Variants in HDAC9 observed in about 807,000 individuals in gnomAD.
HDAC9 encodes the protein MEF-2 interacting transcription repressor (MITR) protein.
Under a neutral mutation model 139.4 loss-of-function variants are expected in HDAC9, and 41 were observed. The observed-to-expected ratio is 0.29, with a 90% CI of 0.23 to 0.38. HDAC9 has a LOEUF of 0.38. Ranked by LOEUF, HDAC9 falls within the 10% of genes least tolerant of loss-of-function variation. The probability of loss-of-function intolerance (pLI) is 1.00; values close to 1 mark genes in which losing one functional copy is unlikely to be tolerated. For synonymous variants in HDAC9, 517 were observed against 476.2 expected (o/e 1.09, Z -1.12); for missense variants, 1,147 against 1,297.0 (o/e 0.88, Z 1.78).
intron 1 of HDAC9, among the ~76,000 whole-genome samples, chr7:18,145,177 T>C (rs1786216039): frequency 6.6e-6 from 1 of 152,238 alleles, no homozygotes; most frequent in Non-Finnish European, 1.5e-5. Context: ...ATGGACTATA[T>C]GTCATATGTC....
chr7:18,864,423 A>G (rs1208343879), intron 21 of HDAC9, among the ~76,000 whole-genome samples: 1 of 152,018 alleles, frequency 6.6e-6, no homozygotes, highest in Non-Finnish European at 1.5e-5. Context: ...GTTATGTAGG[A>G]TGATGAAGTT....
At chr7:18,932,664 G>T (rs1296202999) in intron 22 of HDAC9, among the ~76,000 whole-genome samples, 3 of 151,996 alleles carry the variant, frequency 2.0e-5, no homozygotes, top group African/African-American at 7.3e-5. Context: ...CACTTTGGAA[G>T]AGAATAAATA....
At chr7:18,668,288 T>C in intron 12 of HDAC9, 1 of 959,466 alleles carries the variant, frequency 1.0e-6, no homozygotes, top group Non-Finnish European at 1.2e-6. Flanking sequence ...CCAACATATT[T>C]TGGTTAGTAT....
intron 1 of HDAC9, among the ~76,000 whole-genome samples, chr7:18,485,482 A>C (rs1795908085): frequency 6.6e-6 from 1 of 150,432 alleles, no homozygotes; most frequent in Non-Finnish European, 1.5e-5. Flanking sequence ...TTTCTTTAAG[A>C]AACAAAGCAG....
At chr7:18,519,066 A>G (rs1364445890) in intron 2 of HDAC9, among the ~76,000 whole-genome samples, 1 of 152,210 alleles carries the variant, frequency 6.6e-6, no homozygotes, top group Non-Finnish European at 1.5e-5. Flanking sequence ...CTATGTATAG[A>G]ATTAACCTAA....
intron 1 of HDAC9, among the ~76,000 whole-genome samples, chr7:18,459,280 G>A (rs569552280): frequency 1.3e-5 from 2 of 152,202 alleles, no homozygotes; most frequent in East Asian, 3.9e-4. Context: ...CCAGACTGAG[G>A]TTAAAATGCT....
chr7:18,112,220 A>G (rs903434073), intron 1 of HDAC9, among the ~76,000 whole-genome samples: 42 of 151,870 alleles, frequency 2.8e-4, no homozygotes, highest in Non-Finnish European at 1.6e-4. Flanking sequence ...ATGTTTATTG[A>G]CTCTTGTTGG....
rs996872276 is a variant in HDAC9 at position 18,934,646 on chromosome 7, A to AT, written c.2804-1156dup. 5.3e-5 allele frequency among the ~76,000 whole-genome samples: 8 copies of AT among 152,052 alleles called. No homozygotes were observed. In the East Asian group the frequency reaches 1.2e-3, roughly 22 times the overall value. The stretch of plus-strand genomic sequence containing the variant: ...CTGAATGAAAACACAATAAGATGCC[A>AT]TTTTTTTGCCACCCACTTGGCAAAC... On this transcript the variant is annotated intron_variant, in intron 22 of 25. Coordinates refer to ENST00000686413, the MANE Select transcript of HDAC9 (RefSeq NM_178425.4).
At chr7:18,200,433 T>C (rs1791034210) in intron 2 of HDAC9, among the ~76,000 whole-genome samples, 1 of 152,200 alleles carries the variant, frequency 6.6e-6, no homozygotes, top group African/African-American at 2.4e-5. Flanking sequence ...TATCTTCCAG[T>C]GAAAGCTTCA....
chr7:18,667,630 T>C (rs1452580899), intron 12 of HDAC9: 1 of 985,124 alleles, frequency 1.0e-6, no homozygotes, highest in African/African-American at 1.7e-5. Flanking sequence ...AAAGTGATTC[T>C]GTGAGGGTGA....
intron 1 of HDAC9, among the ~76,000 whole-genome samples, chr7:18,161,642 T>C (rs1787634114): frequency 6.6e-6 from 1 of 152,160 alleles, no homozygotes; most frequent in Admixed American, 6.6e-5. Context: ...CCTGTTAGTC[T>C]GACTCCTAGA....
chr7:18,988,610 A>G (rs1284822813), intron 25 of HDAC9, among the ~76,000 whole-genome samples: 5 of 151,994 alleles, frequency 3.3e-5, no homozygotes, highest in East Asian at 1.9e-4. Context: ...TCAATTCCTG[A>G]GTATCCTTGT....
Position 18,611,197 on chromosome 7 carries a change from A to G in HDAC9, c.664+17168A>G, listed in dbSNP as rs1389768643. 2.6e-5 allele frequency among the ~76,000 whole-genome samples: 4 copies of G among 152,264 alleles called. No homozygotes were observed. The South Asian group carries it at 6.2e-4, about 24-fold the overall frequency. On this transcript the variant is annotated intron_variant, in intron 6 of 25. Coordinates refer to ENST00000686413, the MANE Select transcript of HDAC9 (RefSeq NM_178425.4). Reference sequence around the variant, plus strand: ...ATTACATGACAGTGATGTTTAACCTACTTTAGACACCACACTGTGTTTTTC... The same window carrying G: ...ATTACATGACAGTGATGTTTAACCTGCTTTAGACACCACACTGTGTTTTTC...
chr7:18,358,395 T>C (rs192231573), intron 1 of HDAC9, among the ~76,000 whole-genome samples: 28 of 152,330 alleles, frequency 1.8e-4, no homozygotes, highest in Non-Finnish European at 3.8e-4. Context: ...TTTTAGCTTA[T>C]TAGGTGTGGC....
chr7:18,875,657 C>G (rs117863064), intron 22 of HDAC9, among the ~76,000 whole-genome samples: 3,085 of 152,134 alleles, frequency 0.02, 51 homozygotes, highest in Admixed American at 0.03. Flanking sequence ...GGAAACTCTA[C>G]AAAGACAAAC....
intron 11 of HDAC9, among the ~76,000 whole-genome samples, chr7:18,656,751 G>T (rs1236404060): frequency 1.3e-5 from 2 of 152,110 alleles, no homozygotes; most frequent in African/African-American, 2.4e-5. Flanking sequence ...AAACATAGGA[G>T]TGCAGATATC....
At chr7:18,581,268 A>C (rs965817646) in intron 2 of HDAC9, among the ~76,000 whole-genome samples, 1 of 152,092 alleles carries the variant, frequency 6.6e-6, no homozygotes, top group Non-Finnish European at 1.5e-5. Context: ...TGGATGAAAG[A>C]CTGGGATCTT....
intron 1 of HDAC9, among the ~76,000 whole-genome samples, chr7:18,452,577 G>A (rs867962580): frequency 3.9e-5 from 6 of 152,130 alleles, no homozygotes; most frequent in African/African-American, 7.2e-5. Flanking sequence ...GTTTGGCTGT[G>A]TCCTCACCCA....
intron 24 of HDAC9, among the ~76,000 whole-genome samples, chr7:18,966,399 C>T (rs1348616288): frequency 1.3e-5 from 2 of 152,128 alleles, no homozygotes; most frequent in Non-Finnish European, 2.9e-5. Flanking sequence ...AGCTACCAAG[C>T]TGTTAGAAGA....
Sources: allele counts gnomAD v4.1 joint callset (sites outside exome capture counted in the v4.1 genomes callset), GRCh38; gene constraint gnomAD v4.1.1; transcripts MANE v1.5; gene names NCBI Gene and HGNC (gene_info 2026-07-23, HGNC 2026-07-21).